Variants in RARB observed in about 807,000 individuals in gnomAD.
RARB encodes HBV-activated protein.
Under a neutral mutation model 51.9 loss-of-function variants are expected in RARB, and 17 were observed. The ratio of observed to expected loss-of-function variants is 0.33; its 90% CI spans 0.22 to 0.49. The LOEUF (loss-of-function observed/expected upper bound fraction) is 0.49. Among genes scored for constraint, RARB ranks in the 20% least tolerant of loss-of-function variants. RARB has a pLI of 0.99. For synonymous variants in RARB, 215 were observed against 195.4 expected, an observed-to-expected ratio of 1.10 and a Z score of -0.84; for missense variants, 369 against 550.8, an observed-to-expected ratio of 0.67 and a Z score of 3.30.
chr3:25,290,199 A>G (rs1373163368), intron 5 of RARB, among the ~76,000 whole-genome samples: 1 of 152,208 alleles, frequency 6.6e-6, no homozygotes, highest in Non-Finnish European at 1.5e-5. Flanking sequence ...CCCAGGACTT[A>G]TGAACATAAC....
At chr3:25,305,614 C>T (rs1307990707) in intron 5 of RARB, among the ~76,000 whole-genome samples, 2 of 152,250 alleles carry the variant, frequency 1.3e-5, no homozygotes, top group East Asian at 3.9e-4. Flanking sequence ...CACCCCTGCC[C>T]CACAGATATC....
At chr3:25,111,311 G>A (rs561673288) in intron 3 of RARB, among the ~76,000 whole-genome samples, 42 of 152,074 alleles carry the variant, frequency 2.8e-4, no homozygotes, top group Non-Finnish European at 5.6e-4. Flanking sequence ...TTAATTACCA[G>A]CAGCTATTCT....
At chr3:24,880,256 G>A (rs893853789) in intron 2 of RARB, among the ~76,000 whole-genome samples, 1 of 151,692 alleles carries the variant, frequency 6.6e-6, no homozygotes, top group Non-Finnish European at 1.5e-5. Context: ...GACATTTGGG[G>A]AATACCATCA....
At chr3:25,201,635 C>T (rs941062521) in intron 5 of RARB, among the ~76,000 whole-genome samples, 1 of 152,232 alleles carries the variant, frequency 6.6e-6, no homozygotes, top group Non-Finnish European at 1.5e-5. Context: ...GAGTTTTTAG[C>T]ATGAAGCGTT....
intron 4 of RARB, among the ~76,000 whole-genome samples, chr3:25,146,492 G>GTTTTTTTTTT (rs751190061): frequency 2.8e-4 from 35 of 126,318 alleles, no homozygotes; most frequent in Non-Finnish European, 5.6e-4. Flanking sequence ...AATTTGCTAA[G>GTTTTTTTTTT]TTTTTTGTTT....
intron 2 of RARB, among the ~76,000 whole-genome samples, chr3:24,938,321 C>T (rs1219347182): frequency 6.6e-6 from 1 of 152,104 alleles, no homozygotes; most frequent in Non-Finnish European, 1.5e-5. Context: ...TTTCGTTGTA[C>T]TGTAGTTTGT....
At chr3:25,471,500 G>A (rs1185541484) in intron 2 of RARB, among the ~76,000 whole-genome samples, 1 of 146,446 alleles carries the variant, frequency 6.8e-6, no homozygotes, top group Non-Finnish European at 1.5e-5. Flanking sequence ...TGAAAAAGCA[G>A]AAAAATCTGT....
rs979057111 is a variant in RARB, at chr3:25,205,067, C to G, written c.178+30492C>G. ...GCAGACCTCCTTGAGCTGTGGTGGG[C>G]TCTACCCGGTTCGAGCTTCCTGGCT... On this transcript the variant is annotated intron_variant, in intron 5 of 11. Transcript: ENST00000383772. Among the ~76,000 whole-genome samples the G allele has an allele frequency of 2.6e-5, 4 of 152,166 alleles. No homozygotes were observed. In the East Asian group the frequency reaches 7.7e-4, roughly 29 times the overall value.
At chr3:25,007,447 G>A (rs1489539773) in intron 2 of RARB, among the ~76,000 whole-genome samples, 1 of 151,766 alleles carries the variant, frequency 6.6e-6, no homozygotes, top group African/African-American at 2.4e-5. Flanking sequence ...CCAACATAGT[G>A]AAACCCCATC....
intron 3 of RARB, among the ~76,000 whole-genome samples, chr3:25,109,167 G>T (rs968176364): frequency 6.6e-6 from 1 of 152,146 alleles, no homozygotes. Context: ...GTTCAAATGG[G>T]TAGGTATAGT....
At chr3:24,933,683 C>T (rs538075879) in intron 2 of RARB, among the ~76,000 whole-genome samples, 3 of 152,188 alleles carry the variant, frequency 2.0e-5, no homozygotes, top group Admixed American at 1.3e-4. Flanking sequence ...GGCCAGCAAC[C>T]TTATTCTTCA....
chr3:25,582,075 G>C (rs1014225621), intron 5 of RARB, among the ~76,000 whole-genome samples: 1 of 152,130 alleles, frequency 6.6e-6, no homozygotes, highest in South Asian at 2.1e-4. Context: ...AGGATATGAA[G>C]CATAAACAGG....
At chr3:24,846,391 G>T (rs1702486159) in intron 1 of RARB, among the ~76,000 whole-genome samples, 1 of 152,198 alleles carries the variant, frequency 6.6e-6, no homozygotes, top group Non-Finnish European at 1.5e-5. Flanking sequence ...AATTCCAGGA[G>T]AACTGGTATC....
chr3:25,070,426 C>T (rs1487375810), intron 3 of RARB, among the ~76,000 whole-genome samples: 1 of 152,188 alleles, frequency 6.6e-6, no homozygotes, highest in African/African-American at 2.4e-5. Flanking sequence ...ATTGAACAAA[C>T]TTAAACACAA....
intron 7 of RARB, 124 bp downstream of exon 7, chr3:25,594,802 A>C: frequency 2.2e-6 from 2 of 901,806 alleles, no homozygotes; most frequent in Non-Finnish European, 3.0e-6. Context: ...CTCATTTCTC[A>C]TTGAAATCAA....
chr3:25,289,374 C>T (rs770433170), intron 5 of RARB, among the ~76,000 whole-genome samples: 44 of 152,216 alleles, frequency 2.9e-4, no homozygotes, highest in Non-Finnish European at 5.6e-4. Flanking sequence ...GACAGAGTAT[C>T]CTTTTTCCCT....
rs372383794 is a variant in RARB, at chr3:25,527,510, A to G, written c.448+26187A>G. Among the ~76,000 whole-genome samples the G allele has an allele frequency of 1.2e-4, 18 of 152,316 alleles. No individual in the cohort carries two copies. The East Asian group carries it at 1.5e-3, about 13-fold the overall frequency. On this transcript the variant is annotated intron_variant, in intron 3 of 7. Coordinates refer to ENST00000330688, the MANE Select transcript of RARB (RefSeq NM_000965.5). ...ATTAGTCAGCTGTGGGTTCAATTCC[A>G]TCTCCAAATTGTCTGTGAACTGGAG...
At chr3:25,399,933 C>T (rs1209266678) in intron 5 of RARB, among the ~76,000 whole-genome samples, 2 of 152,152 alleles carry the variant, frequency 1.3e-5, no homozygotes, top group Non-Finnish European at 2.9e-5. Context: ...GTTTTTATAA[C>T]TTTGTCACTC....
intron 3 of RARB, among the ~76,000 whole-genome samples, chr3:25,521,407 A>T (rs1698395736): frequency 2.0e-5 from 3 of 152,194 alleles, no homozygotes. Flanking sequence ...AGGGTGAATC[A>T]ACATGTGAAC....
Sources: gnomAD v4.1 joint callset for allele counts (sites outside exome capture counted in the v4.1 genomes callset) on GRCh38, gnomAD v4.1.1 for gene constraint, MANE v1.5 for transcripts, NCBI Gene and HGNC (gene_info 2026-07-23, HGNC 2026-07-21) for gene names.